Variants in ARHGAP19 observed in about 807,000 individuals in gnomAD.
The protein encoded by ARHGAP19 is Rho GTPase activating protein 19.
A neutral mutation model predicts 60.9 loss-of-function variants in ARHGAP19; 48 were observed. The observed-to-expected ratio is 0.79, with a 90% CI of 0.62 to 1.00. The LOEUF (loss-of-function observed/expected upper bound fraction) is 1.00, where lower values mean the gene tolerates loss of function less well. Among genes scored for constraint, ARHGAP19 ranks in the 50% least tolerant of loss-of-function variants. The pLI is 0.00. For synonymous variants in ARHGAP19, 209 were observed against 215.5 expected (o/e 0.97, Z 0.27); for missense variants, 562 against 597.2 (o/e 0.94, Z 0.61).
chr10:97,249,601 A>C (rs1486221382), intron 6 of ARHGAP19, among the ~76,000 whole-genome samples: 1 of 152,182 alleles, frequency 6.6e-6, no homozygotes, highest in Non-Finnish European at 1.5e-5. Flanking sequence ...TCAATAAATG[A>C]CATGAAGAAA....
rs1196070360 is a variant in ARHGAP19 at position 97,244,036 on chromosome 10, G to C, written c.1117C>G (p.Leu373Val). ...EETQHHTEEA[L>V]RELFQHVHDM... is the part of the protein sequence containing the mutation. ...TGAACGTGTTGAAACAGCTCTCTCA[G>C]TGCCTCTTCCGTATGGTGCTGGGTC... is the stretch of plus-strand genomic sequence containing the variant. Residue 373 changes from leucine (L) to valine (V), a missense_variant, in exon 8 of 12, where the codon CTG (leucine) becomes GTG (valine). Physicochemically the swap from Leu to Val is conservative, Grantham distance 32. Transcript: ENST00000358531. 6.2e-7 allele frequency: 1 copy of C among 1,613,962 alleles called. No homozygotes were observed. Among genetic ancestry groups the C allele is most frequent in the Non-Finnish European group, 8.5e-7 (1 of 1,179,986 alleles).
chr10:97,258,409 C>T (rs1842784251), intron 5 of ARHGAP19, among the ~76,000 whole-genome samples: 1 of 152,146 alleles, frequency 6.6e-6, no homozygotes, highest in South Asian at 2.1e-4. Flanking sequence ...TGGCTCACGC[C>T]TGTAGTCCCA....
chr10:97,292,547 G>A, intron 1 of ARHGAP19, 25 bp downstream of exon 1: 2 of 1,614,186 alleles, frequency 1.2e-6, no homozygotes, highest in Non-Finnish European at 1.7e-6. Flanking sequence ...GCGTTTCCCA[G>A]GAAACTGGAC....
chr10:97,288,405 C>A (rs11189101), intron 1 of ARHGAP19, among the ~76,000 whole-genome samples: 4,183 of 151,914 alleles, frequency 0.028, 183 homozygotes, highest in African/African-American at 0.092. Flanking sequence ...GATGGTGAAA[C>A]CCCGTCTCTA....
intron 6 of ARHGAP19, among the ~76,000 whole-genome samples, chr10:97,253,443 T>G (rs1842715456): frequency 1.3e-5 from 2 of 151,136 alleles, no homozygotes; most frequent in South Asian, 2.1e-4. Flanking sequence ...AAAAAAAGAT[T>G]GATCTCATAG....
intron 10 of ARHGAP19, 124 bp downstream of exon 10, chr10:97,229,640 G>T: frequency 1.5e-6 from 1 of 685,590 alleles, no homozygotes; most frequent in Non-Finnish European, 2.5e-6. Flanking sequence ...ATAAATGAAA[G>T]GATTGAGAAA....
chr10:97,254,265 C>A (rs1427015809), intron 6 of ARHGAP19, among the ~76,000 whole-genome samples: 2 of 152,148 alleles, frequency 1.3e-5, no homozygotes, highest in Non-Finnish European at 2.9e-5. Flanking sequence ...CTCGAGCTTC[C>A]TGATTTCAAA....
At chr10:97,280,032 C>T (rs977062526) in intron 1 of ARHGAP19, among the ~76,000 whole-genome samples, 1 of 152,096 alleles carries the variant, frequency 6.6e-6, no homozygotes, top group African/African-American at 2.4e-5. Flanking sequence ...TATGAATAAG[C>T]ATTAATTATG....
chr10:97,281,036 T>C lies in ARHGAP19; in HGVS notation c.56+11536A>G, dbSNP rs77438061. ...TATCCAAGAGACAGCTAATGGTTTT[T>C]GTTCTGGCACATGACTTGTTCATAT... On this transcript the variant is annotated intron_variant, in intron 1 of 11. Transcript: ENST00000358531. Among the ~76,000 whole-genome samples, 181 of 152,294 alleles carry C rather than the reference T, an allele frequency of 1.2e-3. 2 individuals carry two copies. In the East Asian group the frequency reaches 0.034, roughly 29 times the overall value.
At position 97,256,312 on chromosome 10, in the gene ARHGAP19, A is replaced by T. The variant is rs769035346; in HGVS notation, c.927+6T>A. The T allele has an allele frequency of 1.2e-6, 2 of 1,608,194 alleles. No individual in the cohort carries two copies. Among genetic ancestry groups the T allele is most frequent in the South Asian group, 2.2e-5 (2 of 90,896 alleles). ...TGTTACCAGCCAAATGCTATCCCTT[A>T]CCTACCTTAAAAAGTTTCTGGGAGT... On this transcript the variant is annotated splice_donor_region_variant and intron_variant, in intron 6 of 11. Transcript: ENST00000358531.
intron 8 of ARHGAP19, among the ~76,000 whole-genome samples, 170 bp from the exon 9 acceptor site, chr10:97,235,485 A>G (rs1851113845): frequency 1.3e-5 from 2 of 152,204 alleles, no homozygotes; most frequent in African/African-American, 4.8e-5. Context: ...TGATGCCAAA[A>G]GAAGTGGATT....
At chr10:97,226,622 GGAAGAT>G (rs1282149603) in intron 11 of ARHGAP19, among the ~76,000 whole-genome samples, 1 of 152,144 alleles carries the variant, frequency 6.6e-6, no homozygotes, top group African/African-American at 2.4e-5. Flanking sequence ...GTCATTTTTC[GGAAGAT>G]GAGAAGAACA....
chr10:97,251,031 A>T (rs1842637311), intron 6 of ARHGAP19, among the ~76,000 whole-genome samples: 1 of 149,376 alleles, frequency 6.7e-6, no homozygotes, highest in Admixed American at 6.7e-5. Flanking sequence ...ACTGCACTCC[A>T]GCCTGGGGGG....
intron 9 of ARHGAP19, 32 bp downstream of exon 9, chr10:97,235,185 C>T (rs373589976): frequency 6.5e-7 from 1 of 1,539,334 alleles, no homozygotes. Context: ...TCCTAAAAAT[C>T]AATGCTGAAA....
chr10:97,229,344 G>GT lies in ARHGAP19; in HGVS notation c.1396-120dup, dbSNP rs1349091455. On this transcript the variant is annotated intron_variant, in intron 10 of 11. Transcript: ENST00000358531. ...TGTGAAGAGTTTTTCTGAGACTGATGTATTTATATCTCATTAATCTTAACT... is the reference window on the plus strand; with the variant it reads ...TGTGAAGAGTTTTTCTGAGACTGATGTTATTTATATCTCATTAATCTTAACT... The GT allele has an allele frequency of 1.0e-4, 85 of 828,438 alleles. No individual in the cohort carries two copies. In the East Asian group the frequency reaches 2.1e-3, roughly 20 times the overall value. The allele number at this position is 828,438 out of a possible 1,614,324, so 51.3% of individuals were successfully genotyped here. A position where few individuals can be genotyped will look rare whatever the true frequency, so the allele number is the denominator to read the frequency against.
chr10:97,247,723 T>C (rs1253391), intron 6 of ARHGAP19, among the ~76,000 whole-genome samples: 127,644 of 151,872 alleles, frequency 0.84, 56,033 homozygotes, highest in Non-Finnish European at 0.97. Flanking sequence ...AAAGAAAGGA[T>C]GGAGAGAAGG....
At chr10:97,288,809 CTTTTTTTTT>C (rs750951743) in intron 1 of ARHGAP19, among the ~76,000 whole-genome samples, 1 of 120,006 alleles carries the variant, frequency 8.3e-6, no homozygotes, top group African/African-American at 3.5e-5. Context: ...AACTTCTCTC[CTTTTTTTTT>C]TTTTTTTTTT....
chr10:97,236,031 A>T (rs1048039849), intron 8 of ARHGAP19, among the ~76,000 whole-genome samples: 1 of 152,158 alleles, frequency 6.6e-6, no homozygotes, highest in African/African-American at 2.4e-5. Context: ...GCTGGAGCGC[A>T]GTGGCACAAT....
chr10:97,235,856 A>G (rs1842366997), intron 8 of ARHGAP19, among the ~76,000 whole-genome samples: 1 of 152,228 alleles, frequency 6.6e-6, no homozygotes, highest in Admixed American at 6.5e-5. Flanking sequence ...GAAAACGAGA[A>G]GACCCAATGC....
Sources: gnomAD v4.1 joint callset for allele counts (sites outside exome capture counted in the v4.1 genomes callset) on GRCh38, gnomAD v4.1.1 for gene constraint, MANE v1.5 for transcripts, NCBI Gene and HGNC (gene_info 2026-07-23, HGNC 2026-07-21) for gene names.